EFNA5: variants seen among roughly 807,000 people sequenced by gnomAD.
EFNA5 encodes the protein ephrin-A5.
In EFNA5, 5 loss-of-function variants were observed where a neutral mutation model predicts 22.9. The observed-to-expected ratio is 0.22, with a 90% confidence interval of 0.11 to 0.46. The LOEUF (loss-of-function observed/expected upper bound fraction) is 0.46, where lower values mean the gene tolerates loss of function less well. Among genes scored for constraint, EFNA5 ranks in the 20% least tolerant of loss-of-function variants. The pLI is 0.99. For synonymous variants in EFNA5, 113 were observed against 112.2 expected, an observed-to-expected ratio of 1.01 and a Z score of -0.04; for missense variants, 237 against 293.3, an observed-to-expected ratio of 0.81 and a Z score of 1.40.
intron 1 of EFNA5, among the ~76,000 whole-genome samples, chr5:107,626,590 T>C (rs1750145918): frequency 6.6e-6 from 1 of 152,190 alleles, no homozygotes; most frequent in Non-Finnish European, 1.5e-5. Context: ...ATATTTTCTG[T>C]AAATTGCTAA....
chr5:107,529,424 A>G (rs1355429080), intron 1 of EFNA5, among the ~76,000 whole-genome samples: 2 of 152,102 alleles, frequency 1.3e-5, no homozygotes, highest in Non-Finnish European at 2.9e-5. Context: ...AGTATAGCTC[A>G]CCATGCCTGC....
At chr5:107,665,654 A>G (rs1401475196) in intron 1 of EFNA5, among the ~76,000 whole-genome samples, 4 of 152,204 alleles carry the variant, frequency 2.6e-5, no homozygotes, top group African/African-American at 9.6e-5. Context: ...TAATGTTCCT[A>G]TCATCTAAAA....
intron 1 of EFNA5, among the ~76,000 whole-genome samples, chr5:107,471,422 T>G (rs951296751): frequency 6.6e-6 from 1 of 152,176 alleles, no homozygotes; most frequent in Non-Finnish European, 1.5e-5. Flanking sequence ...ACTGAGGATA[T>G]TATTACACTT....
At chr5:107,581,227 T>G (rs1305263665) in intron 1 of EFNA5, among the ~76,000 whole-genome samples, 1 of 152,192 alleles carries the variant, frequency 6.6e-6, no homozygotes, top group Non-Finnish European at 1.5e-5. Context: ...TGGAACAAAC[T>G]AATACAGGTT....
chr5:107,491,158 G>C (rs765084041), intron 1 of EFNA5, among the ~76,000 whole-genome samples: 1 of 152,186 alleles, frequency 6.6e-6, no homozygotes, highest in Non-Finnish European at 1.5e-5. Flanking sequence ...CAGGACATAG[G>C]CTTGCTTTTC....
chr5:107,532,072 C>T (rs944141107), intron 1 of EFNA5, among the ~76,000 whole-genome samples: 9 of 152,176 alleles, frequency 5.9e-5, no homozygotes, highest in African/African-American at 2.2e-4. Context: ...GTATATTGGG[C>T]TCTAAGTTTC....
chr5:107,568,357 A>G (rs1024110832), intron 1 of EFNA5, among the ~76,000 whole-genome samples: 2 of 152,228 alleles, frequency 1.3e-5, no homozygotes, highest in Non-Finnish European at 2.9e-5. Flanking sequence ...AGAACAACCC[A>G]TGGGAAAGCC....
At chr5:107,666,831 T>C (rs1278457225) in intron 1 of EFNA5, among the ~76,000 whole-genome samples, 1 of 152,142 alleles carries the variant, frequency 6.6e-6, no homozygotes, top group African/African-American at 2.4e-5. Flanking sequence ...TATATTCTTA[T>C]TAGAAGCACC....
intron 1 of EFNA5, among the ~76,000 whole-genome samples, chr5:107,480,572 G>C (rs911627561): frequency 6.6e-6 from 1 of 152,206 alleles, no homozygotes; most frequent in Non-Finnish European, 1.5e-5. Flanking sequence ...ACTGTCCTCA[G>C]GAGCATTCTA....
At chr5:107,603,002 C>T (rs1018864640) in intron 1 of EFNA5, among the ~76,000 whole-genome samples, 1 of 152,136 alleles carries the variant, frequency 6.6e-6, no homozygotes, top group Non-Finnish European at 1.5e-5. Context: ...GAGTGCATTC[C>T]GGTATTACCA....
intron 1 of EFNA5, among the ~76,000 whole-genome samples, chr5:107,525,218 G>A (rs896705705): frequency 1.3e-4 from 20 of 152,052 alleles, no homozygotes; most frequent in South Asian, 2.1e-4. Context: ...AGATTAGTGG[G>A]TTAATGACTG....
At chr5:107,612,540 AC>A (rs1400417919) in intron 1 of EFNA5, among the ~76,000 whole-genome samples, 2 of 152,134 alleles carry the variant, frequency 1.3e-5, no homozygotes, top group Non-Finnish European at 2.9e-5. Context: ...CAAAATATCT[AC>A]CTTGATTAGA....
chr5:107,409,099 ACACTTGCTAAT>A (rs1748295944), intron 2 of EFNA5, among the ~76,000 whole-genome samples: 1 of 152,210 alleles, frequency 6.6e-6, no homozygotes, highest in South Asian at 2.1e-4. Flanking sequence ...CAATCTGGAT[ACACTTGCTAAT>A]CTGAAGGGAG....
intron 1 of EFNA5, among the ~76,000 whole-genome samples, chr5:107,593,605 A>C (rs887521449): frequency 1.3e-5 from 2 of 152,178 alleles, no homozygotes; most frequent in Non-Finnish European, 2.9e-5. Context: ...CACCTGACTC[A>C]AATTAAATGA....
intron 1 of EFNA5, among the ~76,000 whole-genome samples, chr5:107,611,768 G>A (rs1056272451): frequency 2.0e-5 from 3 of 152,122 alleles, no homozygotes; most frequent in East Asian, 1.9e-4. Context: ...GCCAGGGCTC[G>A]GATGGGCATT....
intron 1 of EFNA5, among the ~76,000 whole-genome samples, chr5:107,471,839 T>G (rs1487064080): frequency 2.0e-5 from 3 of 152,208 alleles, no homozygotes; most frequent in Non-Finnish European, 4.4e-5. Flanking sequence ...CTTCATAGCT[T>G]GGTGTTGTAG....
chr5:107,565,036 A>T lies in EFNA5; in HGVS notation c.125+105453T>A, dbSNP rs528202309. Among the ~76,000 whole-genome samples, 78 of 152,158 alleles carry T rather than the reference A, an allele frequency of 5.1e-4. 1 individual carries two copies. Among genetic ancestry groups the T allele is most frequent in the Non-Finnish European group, 9.0e-4 (61 of 68,038 alleles). ...AGCAAACGTGAAGACCAATAATATG[A>T]TATCATTCCAAAATAAAGCCATAAA... On this transcript the variant is annotated intron_variant, in intron 1 of 4. Coordinates refer to ENST00000333274, the MANE Select transcript of EFNA5 (RefSeq NM_001962.3).
chr5:107,377,610 T>G lies in EFNA5; in HGVS notation c.*3645A>C, dbSNP rs909185232. 6.6e-6 allele frequency: 1 copy of G among 152,188 alleles called. No individual in the cohort carries two copies. The highest frequency in any genetic ancestry group is 2.1e-4 in the South Asian group (1 of 4,832). 9.4% of individuals were successfully genotyped at this position (152,188 alleles called of 1,614,324 possible). ...AGAGTCCCTGAAAATCCACAGGTAC[T>G]GTGTGACTCTTCCTTTCACAACGAC... On this transcript the variant is annotated 3_prime_UTR_variant, in exon 5 of 5. Coordinates refer to ENST00000333274, the MANE Select transcript of EFNA5 (RefSeq NM_001962.3).
intron 1 of EFNA5, among the ~76,000 whole-genome samples, chr5:107,478,478 C>T (rs1750370441): frequency 6.6e-6 from 1 of 152,174 alleles, no homozygotes; most frequent in African/African-American, 2.4e-5. Flanking sequence ...GGAGAGCACA[C>T]ACGCAAACAC....
Sources: allele counts gnomAD v4.1 joint callset (sites outside exome capture counted in the v4.1 genomes callset), GRCh38; gene constraint gnomAD v4.1.1; transcripts MANE v1.5; gene names NCBI Gene and HGNC (gene_info 2026-07-23, HGNC 2026-07-21).